Variants in CADM2 observed in about 807,000 individuals in gnomAD.
CADM2 encodes the protein cell adhesion molecule 2, also known as immunoglobulin superfamily member 4D.
A neutral mutation model predicts 49.8 loss-of-function variants in CADM2; 12 were observed. That is an observed-to-expected ratio of 0.24 (90% confidence interval 0.15 to 0.39). CADM2 has a LOEUF of 0.39. Among genes scored for constraint, CADM2 ranks in the 10% least tolerant of loss-of-function variants. The pLI is 1.00. For missense variants in CADM2, 378 were observed against 492.3 expected (o/e 0.77, Z 2.20); for synonymous variants, 214 against 175.4 (o/e 1.22, Z -1.74).
intron 8 of CADM2, among the ~76,000 whole-genome samples, chr3:86,000,761 G>A (rs367742500): frequency 2.6e-5 from 4 of 152,054 alleles, no homozygotes; most frequent in Admixed American, 1.3e-4. Flanking sequence ...TCACAAAAAT[G>A]ATATGAAAAT....
At chr3:85,810,696 T>C (rs1030318048) in intron 3 of CADM2, among the ~76,000 whole-genome samples, 1 of 151,742 alleles carries the variant, frequency 6.6e-6, no homozygotes, top group Non-Finnish European at 1.5e-5. Flanking sequence ...TGCACCACCA[T>C]ACCTGGCTAA....
At chr3:85,967,021 C>A (rs549435880) in intron 8 of CADM2, among the ~76,000 whole-genome samples, 1 of 151,748 alleles carries the variant, frequency 6.6e-6, no homozygotes, top group East Asian at 2.0e-4. Context: ...ATTAAATGTG[C>A]CTTTCTAGCT....
chr3:85,471,973 C>A lies in CADM2; in HGVS notation c.62-254549C>A, dbSNP rs181592385. 3.2e-4 allele frequency among the ~76,000 whole-genome samples: 49 copies of A among 151,840 alleles called. 1 individual carries two copies. In the East Asian group the frequency reaches 9.1e-3, roughly 28 times the overall value. On this transcript the variant is annotated intron_variant, in intron 1 of 9. Transcript: ENST00000383699. The stretch of plus-strand genomic sequence containing the variant: ...AGTCCCAATTCAAATTAAATGTGTT[C>A]AATCTCTACGTAAGTGTAGTGAGAC...
chr3:85,928,158 A>ATT (rs11328574), intron 6 of CADM2, among the ~76,000 whole-genome samples: 286 of 130,648 alleles, frequency 2.2e-3, no homozygotes, highest in Middle Eastern at 4.1e-3. Flanking sequence ...TAAAAGAAGA[A>ATT]TTTTTTTTTT....
rs538851160 is a variant in CADM2, at chr3:85,280,342, C to CT, written c.61+320684dup. 5.0e-3 allele frequency among the ~76,000 whole-genome samples: 740 copies of CT among 149,152 alleles called. 5 individuals carry two copies. Among genetic ancestry groups the CT allele is most frequent in the East Asian group, 0.04 (205 of 5,098 alleles). ...TGGTTGGCAGTTTGTTTTTCCTTAA[C>CT]TTTTTTTTTTCTCATAACTTGCATC... On this transcript the variant is annotated intron_variant, in intron 1 of 9. Transcript: ENST00000383699.
chr3:85,598,929 A>G (rs2063323724), intron 1 of CADM2, among the ~76,000 whole-genome samples: 2 of 151,860 alleles, frequency 1.3e-5, no homozygotes, highest in Admixed American at 6.6e-5. Flanking sequence ...CATTATCAAT[A>G]TATATAGAAG....
chr3:85,521,811 C>T (rs761354408), intron 1 of CADM2, among the ~76,000 whole-genome samples: 39 of 151,586 alleles, frequency 2.6e-4, no homozygotes, highest in Admixed American at 5.3e-4. Context: ...CAGTGAGAAT[C>T]GAAAAGGACA....
At chr3:85,767,251 C>G (rs1198362219) in intron 2 of CADM2, among the ~76,000 whole-genome samples, 3 of 152,130 alleles carry the variant, frequency 2.0e-5, no homozygotes, top group African/African-American at 7.2e-5. Flanking sequence ...CTCTTAATGG[C>G]TGACTGTGTC....
intron 3 of CADM2, among the ~76,000 whole-genome samples, chr3:85,828,799 G>A (rs545580720): frequency 2.6e-5 from 4 of 151,964 alleles, no homozygotes; most frequent in South Asian, 2.1e-4. Context: ...TTCTGTGAGG[G>A]AGATAATAAT....
In CADM2 at chr3:85,456,896, G is replaced by T. The variant is rs1265451892; in HGVS notation, c.62-269626G>T. On this transcript the variant is annotated intron_variant, in intron 1 of 9. Transcript: ENST00000383699. ...CTTTCTACAATAAACAGCACTCATTGTCAGGCTGTTTAATGAAAAACGGAT... is the reference window on the plus strand; with the variant it reads ...CTTTCTACAATAAACAGCACTCATTTTCAGGCTGTTTAATGAAAAACGGAT... Among the ~76,000 whole-genome samples the T allele has an allele frequency of 2.7e-5, 4 of 148,258 alleles. No individual in the cohort carries two copies. In the East Asian group the frequency reaches 7.9e-4, roughly 29 times the overall value.
chr3:85,943,536 T>G (rs1364548142), intron 7 of CADM2, among the ~76,000 whole-genome samples: 1 of 151,524 alleles, frequency 6.6e-6, no homozygotes, highest in Non-Finnish European at 1.5e-5. Context: ...AGGGATCCAG[T>G]TTCAGCTTTC....
chr3:85,944,211 A>G (rs922315852), intron 7 of CADM2, among the ~76,000 whole-genome samples: 3 of 152,134 alleles, frequency 2.0e-5, no homozygotes, highest in African/African-American at 7.2e-5. Flanking sequence ...CAATTCGACA[A>G]CAAGAGCGAA....
intron 1 of CADM2, among the ~76,000 whole-genome samples, chr3:85,591,526 A>G (rs1055760047): frequency 2.6e-5 from 4 of 151,970 alleles, no homozygotes; most frequent in Non-Finnish European, 5.9e-5. Flanking sequence ...CACCACCATC[A>G]CTTATAATTT....
chr3:85,220,110 A>G (rs1420559184), intron 1 of CADM2, among the ~76,000 whole-genome samples: 2 of 152,022 alleles, frequency 1.3e-5, no homozygotes, highest in Non-Finnish European at 2.9e-5. Context: ...CTAGAAATCC[A>G]CCTCTGAAAT....
chr3:85,672,479 G>GT (rs1412099074), intron 1 of CADM2, among the ~76,000 whole-genome samples: 1 of 151,760 alleles, frequency 6.6e-6, no homozygotes, highest in Non-Finnish European at 1.5e-5. Flanking sequence ...TGCACTAAAG[G>GT]TTTTCCCTCT....
chr3:85,227,711 A>G (rs544370513), intron 1 of CADM2, among the ~76,000 whole-genome samples: 6 of 152,088 alleles, frequency 3.9e-5, no homozygotes, highest in Admixed American at 3.3e-4. Context: ...CTGTTAGTTG[A>G]TGTAGTTTCT....
At chr3:85,092,831 T>C (rs941401547) in intron 1 of CADM2, among the ~76,000 whole-genome samples, 1 of 152,192 alleles carries the variant, frequency 6.6e-6, no homozygotes, top group Admixed American at 6.5e-5. Flanking sequence ...GTGATTTCCT[T>C]CTGCCTTTGA....
At chr3:85,089,339 A>T (rs1008712707) in intron 1 of CADM2, among the ~76,000 whole-genome samples, 5 of 151,998 alleles carry the variant, frequency 3.3e-5, no homozygotes, top group African/African-American at 1.2e-4. Context: ...AAATTGCCCC[A>T]TTTTTCTCTC....
chr3:85,049,466 T>C (rs1019114374), intron 1 of CADM2, among the ~76,000 whole-genome samples: 3 of 151,952 alleles, frequency 2.0e-5, no homozygotes, highest in Non-Finnish European at 4.4e-5. Flanking sequence ...TTCTCCTGCC[T>C]CAGCCTCCCG....
Sources: gnomAD v4.1 joint callset for allele counts (sites outside exome capture counted in the v4.1 genomes callset) on GRCh38, gnomAD v4.1.1 for gene constraint, MANE v1.5 for transcripts, NCBI Gene and HGNC (gene_info 2026-07-23, HGNC 2026-07-21) for gene names.